Variants in CRIM1 observed in about 807,000 individuals in gnomAD.
CRIM1 encodes cysteine rich transmembrane BMP regulator 1, also known as cysteine-rich motor neuron 1 protein.
In CRIM1, 32 loss-of-function variants were observed where a neutral mutation model predicts 116.4. That is an observed-to-expected ratio of 0.27 (90% confidence interval 0.21 to 0.37). The LOEUF (loss-of-function observed/expected upper bound fraction) is 0.37, where lower values mean the gene tolerates loss of function less well. Among genes scored for constraint, CRIM1 ranks in the 10% least tolerant of loss-of-function variants. CRIM1 has a pLI of 1.00. For missense variants in CRIM1, 1,331 were observed against 1,354.8 expected (o/e 0.98, Z 0.28); for synonymous variants, 590 against 509.2 (o/e 1.16, Z -2.13).
chr2:36,435,721 A>T (rs1675262855), intron 2 of CRIM1, among the ~76,000 whole-genome samples: 1 of 152,152 alleles, frequency 6.6e-6, no homozygotes, highest in Admixed American at 6.5e-5. Flanking sequence ...AAAATGGCCA[A>T]GATCCAGTCA....
At position 36,544,379 on chromosome 2, in the gene CRIM1, T is replaced by G; in HGVS notation, c.2627T>G (p.Met876Arg). 7.4e-7 allele frequency: 1 copy of G among 1,348,424 alleles called. No homozygotes were observed. The highest frequency in any genetic ancestry group is 9.6e-7 in the Non-Finnish European group (1 of 1,040,132). The allele number at this position is 1,348,424 out of a possible 1,614,324, so 83.5% of individuals were successfully genotyped here. The change falls in exon 15 of 17, where the codon ATG becomes AGG. Residue 876 changes from methionine to arginine, a missense_variant. Met to Arg is a moderately conservative substitution (Grantham distance 91). This residue lies in a region of CRIM1 where 283 missense variants were observed against 242.8 expected (regional missense o/e 1.17). Transcript: ENST00000280527. ...EGSCCPMCPE[M>R]YVPEPTNIPI... ...GAAAAATGTTCCCTTCTTTTAGAAA[T>G]GTATGTCCCAGAACCAACCAATATA...
intron 8 of CRIM1, among the ~76,000 whole-genome samples, chr2:36,504,698 A>G (rs1024859430): frequency 1.3e-5 from 2 of 152,220 alleles, no homozygotes; most frequent in Non-Finnish European, 2.9e-5. Flanking sequence ...ATATAAAGCA[A>G]CTAGTAACCT....
intron 4 of CRIM1, 89 bp downstream of exon 4, chr2:36,442,824 A>G (rs964502590): frequency 2.1e-6 from 3 of 1,454,396 alleles, no homozygotes. Flanking sequence ...TTTTCCCATG[A>G]GAAACCTAGT....
chr2:36,383,299 C>T (rs1670927944), intron 1 of CRIM1, among the ~76,000 whole-genome samples: 1 of 152,144 alleles, frequency 6.6e-6, no homozygotes, highest in Non-Finnish European at 1.5e-5. Flanking sequence ...AAAAATTTTT[C>T]CTTGACTGCT....
chr2:36,470,524 A>G (rs1348146186), intron 5 of CRIM1, among the ~76,000 whole-genome samples: 1 of 152,180 alleles, frequency 6.6e-6, no homozygotes, highest in Non-Finnish European at 1.5e-5. Flanking sequence ...ATTATGCTAA[A>G]TCTACTCTGC....
intron 1 of CRIM1, among the ~76,000 whole-genome samples, chr2:36,360,242 C>T (rs530041896): frequency 1.3e-5 from 2 of 152,266 alleles, no homozygotes; most frequent in East Asian, 1.9e-4. Flanking sequence ...CAGATGGTGA[C>T]TTGCTTTGGC....
At position 36,427,213 on chromosome 2, in the gene CRIM1, G is replaced by GA. The variant is rs572099350; in HGVS notation, c.506-14042dup. 1.7e-4 allele frequency among the ~76,000 whole-genome samples: 25 copies of GA among 149,092 alleles called. No individual in the cohort carries two copies. The South Asian group carries it at 5.1e-3, about 30-fold the overall frequency. Reference sequence around the variant, plus strand: ...GAAACTCTGTCTCAAAAAAAAAAAAGAAAGAAAAGAAAAAGAAGAGGAGAA... The same window carrying GA: ...GAAACTCTGTCTCAAAAAAAAAAAAGAAAAGAAAAGAAAAAGAAGAGGAGAA... On this transcript the variant is annotated intron_variant, in intron 2 of 16. Transcript: ENST00000280527.
At chr2:36,534,169 A>G in intron 13 of CRIM1, among the ~76,000 whole-genome samples, 1 of 127,132 alleles carries the variant, frequency 7.9e-6, no homozygotes, top group Admixed American at 8.0e-5. Context: ...AGAAGGAAGG[A>G]AGGAAGGAGG....
chr2:36,547,254 T>C, intron 16 of CRIM1, 83 bp downstream of exon 16: 1 of 1,149,666 alleles, frequency 8.7e-7, no homozygotes, highest in Non-Finnish European at 1.3e-6. Context: ...AAACCTTGTG[T>C]CTTAACCAGT....
At chr2:36,378,228 G>T in intron 1 of CRIM1, 1 of 455,210 alleles carries the variant, frequency 2.2e-6, no homozygotes, top group Admixed American at 2.4e-5. Flanking sequence ...TTCAGTAAAT[G>T]TATTTTAAAT....
chr2:36,456,129 G>C (rs1677113810), intron 4 of CRIM1, among the ~76,000 whole-genome samples: 1 of 152,032 alleles, frequency 6.6e-6, no homozygotes, highest in South Asian at 2.1e-4. Context: ...AGACATCGTT[G>C]GTGTTTGTTC....
intron 2 of CRIM1, among the ~76,000 whole-genome samples, chr2:36,403,806 G>A (rs764390594): frequency 6.6e-6 from 1 of 152,100 alleles, no homozygotes; most frequent in Non-Finnish European, 1.5e-5. Flanking sequence ...TGGGAGGTTG[G>A]ATGAGGTAGG....
chr2:36,547,666 C>T (rs970431842), intron 16 of CRIM1, among the ~76,000 whole-genome samples: 4 of 151,820 alleles, frequency 2.6e-5, no homozygotes, highest in African/African-American at 4.8e-5. Flanking sequence ...GTGGAAAGGT[C>T]GCAAAAGATG....
chr2:36,476,839 C>T (rs778021611), intron 5 of CRIM1, 50 bp from the exon 6 acceptor site: 5 of 1,484,544 alleles, frequency 3.4e-6, no homozygotes, highest in Admixed American at 2.0e-5. Context: ...TCAAAGGACA[C>T]AACTAAAAAA....
intron 7 of CRIM1, among the ~76,000 whole-genome samples, chr2:36,492,397 A>G (rs1031875341): frequency 1.3e-5 from 2 of 152,188 alleles, no homozygotes; most frequent in African/African-American, 2.4e-5. Flanking sequence ...CCATGACTTA[A>G]TGAGGCTTTC....
intron 13 of CRIM1, among the ~76,000 whole-genome samples, chr2:36,536,208 A>T (rs542252594): frequency 2.0e-5 from 3 of 152,180 alleles, no homozygotes; most frequent in African/African-American, 4.8e-5. Flanking sequence ...TGATGCCATT[A>T]TGGGCTTCTC....
intron 1 of CRIM1, among the ~76,000 whole-genome samples, chr2:36,369,584 T>C (rs1669813570): frequency 6.6e-6 from 1 of 152,160 alleles, no homozygotes; most frequent in African/African-American, 2.4e-5. Context: ...TGCAAACATT[T>C]CTACAGAACT....
chr2:36,469,604 A>G (rs946616798), intron 5 of CRIM1, among the ~76,000 whole-genome samples: 1 of 152,186 alleles, frequency 6.6e-6, no homozygotes, highest in African/African-American at 2.4e-5. Flanking sequence ...TCCTCATGTA[A>G]AATTTTGGCC....
chr2:36,479,763 G>A (rs983726737), intron 7 of CRIM1, 69 bp downstream of exon 7: 7 of 1,460,066 alleles, frequency 4.8e-6, no homozygotes, highest in Middle Eastern at 1.8e-4. Flanking sequence ...ACCAGCGTAC[G>A]TTCTTGTTTG....
Sources: allele counts gnomAD v4.1 joint callset (sites outside exome capture counted in the v4.1 genomes callset), GRCh38; gene constraint gnomAD v4.1.1; regional missense constraint gnomAD v4.1.1; transcripts MANE v1.5; gene names NCBI Gene and HGNC (gene_info 2026-07-23, HGNC 2026-07-21).